The following SLC5A3 variants were observed in gnomAD, a reference collection of about 807,000 sequenced individuals.
SLC5A3 encodes the protein sodium/myo-inositol cotransporter.
Under a neutral mutation model 43.2 loss-of-function variants are expected in SLC5A3, and 10 were observed. That is an observed-to-expected ratio of 0.23 (90% confidence interval 0.14 to 0.39). The LOEUF (loss-of-function observed/expected upper bound fraction) is 0.39, where lower values mean the gene tolerates loss of function less well. Among genes scored for constraint, SLC5A3 ranks in the 10% least tolerant of loss-of-function variants. The pLI, the probability that SLC5A3 is intolerant of heterozygous loss-of-function variation, is 1.00. For missense variants in SLC5A3, 608 were observed against 893.4 expected, an observed-to-expected ratio of 0.68 and a Z score of 4.07; for synonymous variants, 349 against 322.0, an observed-to-expected ratio of 1.08 and a Z score of -0.90.
At chr21:34,077,191 T>A (rs1000882027) in intron 1 of SLC5A3, among the ~76,000 whole-genome samples, 6 of 152,200 alleles carry the variant, frequency 3.9e-5, no homozygotes, top group African/African-American at 1.4e-4. Flanking sequence ...AAGGTTGGTA[T>A]TTCAGTTAGG....
intron 1 of SLC5A3, among the ~76,000 whole-genome samples, chr21:34,082,824 TGGCCCAA>T (rs1989489451): frequency 6.6e-6 from 1 of 152,196 alleles, no homozygotes; most frequent in African/African-American, 2.4e-5. Context: ...ACGTACGTTT[TGGCCCAA>T]GGTGTAATTG....
intron 1 of SLC5A3, among the ~76,000 whole-genome samples, chr21:34,078,329 C>T (rs1423137642): frequency 2.0e-5 from 3 of 152,070 alleles, no homozygotes; most frequent in East Asian, 1.9e-4. Flanking sequence ...AGCTTATTGC[C>T]GCAGCAAGCT....
At position 34,101,544 on chromosome 21, in the gene SLC5A3, C is replaced by T. The variant is rs181822049; in HGVS notation, c.*4189C>T. ...TATGTGTATATGCCCACTTACCATT[C>T]AGAGAGACTGGTCTTTCTCTTTGTC... On this transcript the variant is annotated 3_prime_UTR_variant, in exon 2 of 2. Coordinates refer to ENST00000381151, the MANE Select transcript of SLC5A3 (RefSeq NM_006933.7). 1.7e-5 allele frequency: 17 copies of T among 1,000,156 alleles called. No individual in the cohort carries two copies. The East Asian group carries it at 7.9e-4, about 47-fold the overall frequency. 62.0% of individuals were successfully genotyped at this position (1,000,156 alleles called of 1,614,324 possible).
rs1211431759 is a variant in SLC5A3 at position 34,098,949 on chromosome 21, ATTAC to A, written c.*1597_*1600del. Reference sequence around the variant, plus strand: ...TTTTACTAGGCTTGTATTTAGGGAAATTACTTTCATAAATACTTTTGTAGATTTT... The same window carrying A: ...TTTTACTAGGCTTGTATTTAGGGAAATTTCATAAATACTTTTGTAGATTTT... On this transcript the variant is annotated 3_prime_UTR_variant, in exon 2 of 2. Coordinates refer to ENST00000381151, the MANE Select transcript of SLC5A3 (RefSeq NM_006933.7). The A allele has an allele frequency of 1.0e-6, 1 of 984,328 alleles. No homozygotes were observed. Among genetic ancestry groups the A allele is most frequent in the African/African-American group, 1.8e-5 (1 of 56,902 alleles). The allele number at this position is 984,328 out of a possible 1,614,324, so 61.0% of individuals were successfully genotyped here. A position where few individuals can be genotyped will look rare whatever the true frequency, so the allele number is the denominator to read the frequency against.
Position 34,073,708 on chromosome 21 carries a change from G to A in SLC5A3, c.-374G>A, listed in dbSNP as rs757522029. 1.1e-5 allele frequency: 17 copies of A among 1,525,334 alleles called. No homozygotes were observed. In the South Asian group the frequency reaches 1.5e-4, roughly 13 times the overall value. The allele number at this position is 1,525,334 out of a possible 1,614,324, so 94.5% of individuals were successfully genotyped here. A position where few individuals can be genotyped will look rare whatever the true frequency, so the allele number is the denominator to read the frequency against. Reference sequence around the variant, plus strand: ...CTCGCCGATCCTCCAGGCATGCCCCGCTACGAGCTGGCTTTAATCCTGAAA... The same window carrying A: ...CTCGCCGATCCTCCAGGCATGCCCCACTACGAGCTGGCTTTAATCCTGAAA... On this transcript the variant is annotated 5_prime_UTR_variant, in exon 1 of 2. Coordinates refer to ENST00000381151, the MANE Select transcript of SLC5A3 (RefSeq NM_006933.7).
intron 1 of SLC5A3, among the ~76,000 whole-genome samples, chr21:34,088,226 A>G (rs927456333): frequency 1.7e-5 from 1 of 57,808 alleles, no homozygotes; most frequent in Non-Finnish European, 3.2e-5. Context: ...TGACTGGGTC[A>G]AGTATAGAAT....
chr21:34,087,103 A>T (rs1206693767), intron 1 of SLC5A3, among the ~76,000 whole-genome samples: 1 of 152,144 alleles, frequency 6.6e-6, no homozygotes, highest in Non-Finnish European at 1.5e-5. Context: ...GTTGAGGGAG[A>T]TGGTGGCTCC....
chr21:34,104,125 A>AT lies in SLC5A3; in HGVS notation c.*6777dup. 2 of 999,564 alleles carry AT rather than the reference A, an allele frequency of 2.0e-6. No individual in the cohort carries two copies. The highest frequency in any genetic ancestry group is 2.4e-6 in the Non-Finnish European group (2 of 829,760). 61.9% of individuals were successfully genotyped at this position (999,564 alleles called of 1,614,324 possible). A position where few individuals can be genotyped will look rare whatever the true frequency, so the allele number is the denominator to read the frequency against. On this transcript the variant is annotated 3_prime_UTR_variant, in exon 2 of 2. Coordinates refer to ENST00000381151, the MANE Select transcript of SLC5A3 (RefSeq NM_006933.7). The stretch of plus-strand genomic sequence containing the variant: ...GTATGTGAGAGATGAAGTTACCTTT[A>AT]TTTTTTTCCTATACTTGACTGTGCT...
chr21:34,103,134 CA>C lies in SLC5A3; in HGVS notation c.*5782del. 1 of 1,000,002 alleles carries C rather than the reference CA, an allele frequency of 1.0e-6. No individual in the cohort carries two copies. The highest frequency in any genetic ancestry group is 1.2e-6 in the Non-Finnish European group (1 of 829,878). 61.9% of individuals were successfully genotyped at this position (1,000,002 alleles called of 1,614,324 possible). A position where few individuals can be genotyped will look rare whatever the true frequency, so the allele number is the denominator to read the frequency against. On this transcript the variant is annotated 3_prime_UTR_variant, in exon 2 of 2. Coordinates refer to ENST00000381151, the MANE Select transcript of SLC5A3 (RefSeq NM_006933.7). Reference sequence around the variant, plus strand: ...AGGCTTATTGCTATTGCAGAAATCCCAAACTGGCAAAGGCCAGTATATATGG... The same window carrying C: ...AGGCTTATTGCTATTGCAGAAATCCCAACTGGCAAAGGCCAGTATATATGG...
rs549699247 is a variant in SLC5A3 at position 34,105,543 on chromosome 21, G to A, written c.*8188G>A. On this transcript the variant is annotated 3_prime_UTR_variant, in exon 2 of 2. Coordinates refer to ENST00000381151, the MANE Select transcript of SLC5A3 (RefSeq NM_006933.7). ...TACATTGAAACATGTTCTTCCCAGT[G>A]TCCTGCTTATGATGCTTTGTTCAGA... The A allele has an allele frequency of 2.7e-5, 27 of 999,666 alleles. No homozygotes were observed. In the East Asian group the frequency reaches 3.0e-3, roughly 109 times the overall value. The allele number at this position is 999,666 out of a possible 1,614,324, so 61.9% of individuals were successfully genotyped here.
At position 34,105,041 on chromosome 21, in the gene SLC5A3, CTT is replaced by C. The variant is rs146361117; in HGVS notation, c.*7689_*7690del. 1,597 of 1,000,042 alleles carry C rather than the reference CTT, an allele frequency of 1.6e-3. 16 individuals are homozygous for C. In the African/African-American group the frequency reaches 0.019, roughly 12 times the overall value. 61.9% of individuals were successfully genotyped at this position (1,000,042 alleles called of 1,614,324 possible). ...CTTTTGAGTGGCAAACAGATCAAGT[CTT>C]TTGCTCATAGACTTTTCTGTGGGGT... On this transcript the variant is annotated 3_prime_UTR_variant, in exon 2 of 2. Coordinates refer to ENST00000381151, the MANE Select transcript of SLC5A3 (RefSeq NM_006933.7).
rs1323584659 is a variant in SLC5A3 at position 34,104,243 on chromosome 21, A to G, written c.*6888A>G. ...TAGAGGAGCTACTTTGCTTTTCACA[A>G]TGGGGTGGAGAGGATTCTTTCACTT... On this transcript the variant is annotated 3_prime_UTR_variant, in exon 2 of 2. Transcript: ENST00000381151. 12 of 999,978 alleles carry G rather than the reference A, an allele frequency of 1.2e-5. No individual in the cohort carries two copies. The highest frequency in any genetic ancestry group is 3.5e-5 in the African/African-American group (2 of 57,236). The allele number at this position is 999,978 out of a possible 1,614,324, so 61.9% of individuals were successfully genotyped here. A position where few individuals can be genotyped will look rare whatever the true frequency, so the allele number is the denominator to read the frequency against.
In SLC5A3 at chr21:34,104,757, G is replaced by A; in HGVS notation, c.*7402G>A. On this transcript the variant is annotated 3_prime_UTR_variant, in exon 2 of 2. Coordinates refer to ENST00000381151, the MANE Select transcript of SLC5A3 (RefSeq NM_006933.7). ...AAGAGAAGTTTGAGGAACACCCTTG[G>A]CTTAGCAACATGTGATAATGCAAAG... 2 of 1,000,248 alleles carry A rather than the reference G, an allele frequency of 2.0e-6. No homozygotes were observed. Among genetic ancestry groups the A allele is most frequent in the Non-Finnish European group, 2.4e-6 (2 of 829,996 alleles). 62.0% of individuals were successfully genotyped at this position (1,000,248 alleles called of 1,614,324 possible). A position where few individuals can be genotyped will look rare whatever the true frequency, so the allele number is the denominator to read the frequency against.
chr21:34,101,468 A>C lies in SLC5A3; in HGVS notation c.*4113A>C. The stretch of plus-strand genomic sequence containing the variant: ...GATGCTAGGTTGTTGAAGGCATTTC[A>C]GTGTTGATAATAGCCTGAGCAGACT... On this transcript the variant is annotated 3_prime_UTR_variant, in exon 2 of 2. Coordinates refer to ENST00000381151, the MANE Select transcript of SLC5A3 (RefSeq NM_006933.7). 1 of 1,000,072 alleles carries C rather than the reference A, an allele frequency of 1.0e-6. No homozygotes were observed. The highest frequency in any genetic ancestry group is 1.2e-6 in the Non-Finnish European group (1 of 829,824). The allele number at this position is 1,000,072 out of a possible 1,614,324, so 61.9% of individuals were successfully genotyped here.
Position 34,105,401 on chromosome 21 carries a change from T to C in SLC5A3, c.*8046T>C, listed in dbSNP as rs1166135115. On this transcript the variant is annotated 3_prime_UTR_variant, in exon 2 of 2. Coordinates refer to ENST00000381151, the MANE Select transcript of SLC5A3 (RefSeq NM_006933.7). ...AGAAAACCAATTCTTTTTCTAATAA[T>C]ATCCTGTGAAATTGCTTCATTCATT... The C allele has an allele frequency of 2.0e-6, 2 of 999,154 alleles. No homozygotes were observed. Among genetic ancestry groups the C allele is most frequent in the Non-Finnish European group, 1.2e-6 (1 of 829,226 alleles). The allele number at this position is 999,154 out of a possible 1,614,324, so 61.9% of individuals were successfully genotyped here.
Position 34,097,745 on chromosome 21 carries a change from T to A in SLC5A3, c.*390T>A, listed in dbSNP as rs1569417421. The stretch of plus-strand genomic sequence containing the variant: ...TAGAAGATTTGCTCATTTCTAAATT[T>A]TTTTTTCTGTCTCTGTAATCCCTCC... On this transcript the variant is annotated 3_prime_UTR_variant, in exon 2 of 2. Transcript: ENST00000381151. The A allele has an allele frequency of 6.0e-6, 6 of 1,005,492 alleles. No homozygotes were observed. The highest frequency in any genetic ancestry group is 6.0e-6 in the Non-Finnish European group (5 of 833,646). 62.3% of individuals were successfully genotyped at this position (1,005,492 alleles called of 1,614,324 possible).
chr21:34,091,411 T>TTCCAGA (rs1174041404), intron 1 of SLC5A3, among the ~76,000 whole-genome samples: 2 of 152,184 alleles, frequency 1.3e-5, no homozygotes, highest in Admixed American at 1.3e-4. Context: ...TTACATATAG[T>TTCCAGA]TCCAGAATAA....
In SLC5A3 at chr21:34,078,057, A is replaced by T. The variant is rs544689967; in HGVS notation, c.-337+4312A>T. Reference sequence around the variant, plus strand: ...GGTCCTTGTAGTTTGCTTGGCAAGCATTTGATAACTAGGAAATAGTGAAGT... The same window carrying T: ...GGTCCTTGTAGTTTGCTTGGCAAGCTTTTGATAACTAGGAAATAGTGAAGT... On this transcript the variant is annotated intron_variant, in intron 1 of 1. Coordinates refer to ENST00000381151, the MANE Select transcript of SLC5A3 (RefSeq NM_006933.7). 1.8e-4 allele frequency among the ~76,000 whole-genome samples: 27 copies of T among 152,206 alleles called. 1 individual carries two copies. Among genetic ancestry groups the T allele is most frequent in the Admixed American group, 1.6e-3 (24 of 15,286 alleles).
chr21:34,103,882 A>C lies in SLC5A3; in HGVS notation c.*6527A>C. 2 of 1,000,210 alleles carry C rather than the reference A, an allele frequency of 2.0e-6. No homozygotes were observed. Among genetic ancestry groups the C allele is most frequent in the Non-Finnish European group, 1.2e-6 (1 of 829,944 alleles). 62.0% of individuals were successfully genotyped at this position (1,000,210 alleles called of 1,614,324 possible). ...TGGGGTTTGAGGGCTTTTTACTGCA[A>C]CTTGAAACTGGAGAAATAGGGACAG... is the stretch of plus-strand genomic sequence containing the variant. On this transcript the variant is annotated 3_prime_UTR_variant, in exon 2 of 2. Coordinates refer to ENST00000381151, the MANE Select transcript of SLC5A3 (RefSeq NM_006933.7).
Sources: allele counts gnomAD v4.1 joint callset (sites outside exome capture counted in the v4.1 genomes callset), GRCh38; gene constraint gnomAD v4.1.1; transcripts MANE v1.5; gene names NCBI Gene and HGNC (gene_info 2026-07-23, HGNC 2026-07-21).